The following SIM2 variants were observed in gnomAD, a reference collection of about 807,000 sequenced individuals.
SIM2 encodes the protein SIM bHLH transcription factor 2, also known as single-minded homolog 2.
In SIM2, 28 loss-of-function variants were observed where a neutral mutation model predicts 64.8. The observed-to-expected ratio is 0.43, with a 90% CI of 0.32 to 0.59. SIM2 has a LOEUF of 0.59. SIM2 is among the 20% of genes least tolerant of loss of function. The pLI is 0.07. For missense variants in SIM2, 847 were observed against 871.4 expected (o/e 0.97, Z 0.35); for synonymous variants, 408 against 391.1 (o/e 1.04, Z -0.51).
Position 36,702,939 on chromosome 21 carries a change from G to GAAAAAAA in SIM2, c.175+3020_175+3021insAAAAAAA, listed in dbSNP as rs141068741. On this transcript the variant is annotated intron_variant, in intron 1 of 10. Transcript: ENST00000290399. ...AGAGACCAGCTTAGGACTCTGGGAG[G>GAAAAAAA]AAGAAAAAAAAAAAAAGAATAGCAT... Among the ~76,000 whole-genome samples the GAAAAAAA allele has an allele frequency of 1.2e-3, 154 of 131,108 alleles. 3 individuals carry two copies. Among genetic ancestry groups the GAAAAAAA allele is most frequent in the Middle Eastern group, 4.0e-3 (1 of 250 alleles). The allele number at this position is 131,108 out of a possible 152,430, so 86.0% of individuals were successfully genotyped here.
At chr21:36,735,483 C>T (rs892117703) in intron 7 of SIM2, among the ~76,000 whole-genome samples, 1 of 152,238 alleles carries the variant, frequency 6.6e-6, no homozygotes, top group Admixed American at 6.5e-5. Context: ...CGTCCTTACA[C>T]CCACACCACT....
At chr21:36,737,984 C>CAAAAAAAAAAAAAAAAAAAAAAAAAA (rs71326699) in intron 7 of SIM2, among the ~76,000 whole-genome samples, 1 of 90,260 alleles carries the variant, frequency 1.1e-5, no homozygotes, top group Non-Finnish European at 2.1e-5. Context: ...AAAAAAAAAG[C>CAAAAAAAAAAAAAAAAAAAAAAAAAA]AAAAAAAAAG....
At chr21:36,722,644 A>C (rs1286015659) in intron 4 of SIM2, among the ~76,000 whole-genome samples, 3 of 152,176 alleles carry the variant, frequency 2.0e-5, no homozygotes, top group Non-Finnish European at 4.4e-5. Context: ...CTGGGGCTAG[A>C]AATGAGGGTG....
Position 36,748,097 on chromosome 21 carries a change from C to A in SIM2, c.*5C>A. On this transcript the variant is annotated 3_prime_UTR_variant, in exon 11 of 11. Transcript: ENST00000290399. ...ATCATCACCAACGGGAGGTGACCCG[C>A]TGGCCGCCCGCGCCAGGAGCCTGGA... 4 of 1,200,860 alleles carry A rather than the reference C, an allele frequency of 3.3e-6. No homozygotes were observed. Among genetic ancestry groups the A allele is most frequent in the Non-Finnish European group, 4.1e-6 (4 of 967,820 alleles). The allele number at this position is 1,200,860 out of a possible 1,614,324, so 74.4% of individuals were successfully genotyped here. A position where few individuals can be genotyped will look rare whatever the true frequency, so the allele number is the denominator to read the frequency against.
rs1015238146 is a variant in SIM2 at position 36,719,373 on chromosome 21, C to T, written c.349-448C>T. Among the ~76,000 whole-genome samples the T allele has an allele frequency of 3.3e-5, 5 of 152,264 alleles. No homozygotes were observed. The East Asian group carries it at 9.6e-4, about 29-fold the overall frequency. ...GTCGGCCTCGGAGTGGACAACACTT[C>T]CACAGGGAGCACTATGTGGACAGGA... On this transcript the variant is annotated intron_variant, in intron 3 of 10. Transcript: ENST00000290399.
chr21:36,709,289 A>G (rs745793860), intron 2 of SIM2, 39 bp downstream of exon 2: 14 of 1,503,210 alleles, frequency 9.3e-6, no homozygotes, highest in East Asian at 7.1e-5. Context: ...CAGCCGCCGC[A>G]GGCTCCCTTC....
At position 36,748,860 on chromosome 21, in the gene SIM2, A is replaced by G. The variant is rs1028377512; in HGVS notation, c.*768A>G. 6.6e-6 allele frequency: 1 copy of G among 152,634 alleles called. No homozygotes were observed. The highest frequency in any genetic ancestry group is 6.5e-5 in the Admixed American group (1 of 15,272). 9.5% of individuals were successfully genotyped at this position (152,634 alleles called of 1,614,324 possible). ...AATGCAAAAATATATATGTAGCCAGACAGTTTATGAGAATGACCCTGTCAA... is the reference window on the plus strand; with the variant it reads ...AATGCAAAAATATATATGTAGCCAGGCAGTTTATGAGAATGACCCTGTCAA... On this transcript the variant is annotated 3_prime_UTR_variant, in exon 11 of 11. Transcript: ENST00000290399.
Position 36,745,736 on chromosome 21 carries a change from T to C in SIM2, c.1576+600T>C. 7.8e-7 allele frequency: 1 copy of C among 1,288,146 alleles called. No homozygotes were observed. The highest frequency in any genetic ancestry group is 1.2e-5 in the South Asian group (1 of 80,300). The allele number at this position is 1,288,146 out of a possible 1,614,324, so 79.8% of individuals were successfully genotyped here. ...AAGGACACGACACACAGTAGGGACC[T>C]GCCCTGTACATGCTAGTTCAACAGA... On this transcript the variant is annotated intron_variant, in intron 10 of 10. Coordinates refer to ENST00000290399, the MANE Select transcript of SIM2 (RefSeq NM_005069.6). The surrounding 1 kb of genome is among the most constrained non-coding windows in gnomAD (Gnocchi z 4.8).
chr21:36,736,744 TTTCCTTTCCTCCCTCCC>T (rs1297709871), intron 7 of SIM2, among the ~76,000 whole-genome samples: 180 of 144,962 alleles, frequency 1.2e-3, no homozygotes, highest in African/African-American at 3.8e-3. Flanking sequence ...TTCCCTTCCC[TTTCCTTTCCTCCCTCCC>T]TCCCTTTCTT....
chr21:36,736,396 G>A (rs1002257852), intron 7 of SIM2, among the ~76,000 whole-genome samples: 1 of 152,188 alleles, frequency 6.6e-6, no homozygotes, highest in African/African-American at 2.4e-5. Context: ...AGAGGTGGTG[G>A]TCCGGGAGGG....
intron 7 of SIM2, among the ~76,000 whole-genome samples, chr21:36,734,003 T>G (rs1282650408): frequency 1.3e-5 from 2 of 152,176 alleles, no homozygotes; most frequent in Non-Finnish European, 2.9e-5. Context: ...GGGAGCTGTG[T>G]CCCTCTCGTG....
At chr21:36,732,103 G>C (rs575768408) in intron 7 of SIM2, among the ~76,000 whole-genome samples, 2 of 152,074 alleles carry the variant, frequency 1.3e-5, no homozygotes, top group African/African-American at 2.4e-5. Context: ...GGCTGATCTC[G>C]AACTCCTGAC....
chr21:36,745,507 C>T lies in SIM2; in HGVS notation c.1576+371C>T. 5.2e-6 allele frequency: 6 copies of T among 1,147,348 alleles called. No individual in the cohort carries two copies. Among genetic ancestry groups the T allele is most frequent in the Non-Finnish European group, 6.5e-6 (6 of 921,848 alleles). The allele number at this position is 1,147,348 out of a possible 1,614,324, so 71.1% of individuals were successfully genotyped here. On this transcript the variant is annotated intron_variant, in intron 10 of 10. Coordinates refer to ENST00000290399, the MANE Select transcript of SIM2 (RefSeq NM_005069.6). This position sits in a 1 kb window ranked among gnomAD's most constrained non-coding sequence, Gnocchi z 4.8. ...ATTTCTTTTGCAAGATTCCTTTCCA[C>T]TCCAACCAGAAGTGAATATTTGAGA...
chr21:36,744,905 C>G lies in SIM2; in HGVS notation c.1345C>G (p.Leu449Val), dbSNP rs1269598342. ...PFSYHYGHFP[L>V]DSHVFSSKKP... The stretch of plus-strand genomic sequence containing the variant: ...CTCCTACCATTACGGACACTTCCCT[C>G]TGGACTCTCACGTCTTCAGCAGCAA... The change falls in exon 10 of 11, where the codon CTG (leucine) becomes GTG (valine). Residue 449 changes from leucine to valine, a missense_variant. Physicochemically the swap from Leu to Val is conservative, Grantham distance 32. Coordinates refer to ENST00000290399, the MANE Select transcript of SIM2 (RefSeq NM_005069.6). 6.2e-7 allele frequency: 1 copy of G among 1,614,132 alleles called. No individual in the cohort carries two copies. Among genetic ancestry groups the G allele is most frequent in the Non-Finnish European group, 8.5e-7 (1 of 1,180,054 alleles).
At chr21:36,736,711 A>ACTTCCTTCC (rs1190611103) in intron 7 of SIM2, among the ~76,000 whole-genome samples, 1 of 141,556 alleles carries the variant, frequency 7.1e-6, no homozygotes, top group Non-Finnish European at 1.5e-5. Context: ...CCCAGAACTA[A>ACTTCCTTCC]CTTCCTTCCC....
At chr21:36,715,458 T>C (rs569453046) in intron 3 of SIM2, among the ~76,000 whole-genome samples, 2 of 152,194 alleles carry the variant, frequency 1.3e-5, no homozygotes, top group Non-Finnish European at 2.9e-5. Context: ...TTTTAAGTCA[T>C]GAGAGATAAA....
At chr21:36,707,381 GC>G (rs1568924651) in intron 1 of SIM2, among the ~76,000 whole-genome samples, 1 of 152,122 alleles carries the variant, frequency 6.6e-6, no homozygotes, top group Admixed American at 6.5e-5. Context: ...CGGTGGTGAT[GC>G]GGGGTGAGCG....
At chr21:36,713,713 T>C (rs1322982189) in intron 3 of SIM2, among the ~76,000 whole-genome samples, 1 of 152,260 alleles carries the variant, frequency 6.6e-6, no homozygotes, top group Non-Finnish European at 1.5e-5. Context: ...CTGCATCTGG[T>C]GTATTCCTTT....
chr21:36,741,327 C>T (rs1261090506), intron 7 of SIM2, among the ~76,000 whole-genome samples: 1 of 152,084 alleles, frequency 6.6e-6, no homozygotes, highest in African/African-American at 2.4e-5. Context: ...ACATCACTCA[C>T]CCCCCCTCCC....
Sources: gnomAD v4.1 joint callset for allele counts (sites outside exome capture counted in the v4.1 genomes callset) on GRCh38, gnomAD v4.1.1 for gene constraint, Gnocchi (gnomAD v3.1) non-coding constraint, MANE v1.5 for transcripts, NCBI Gene and HGNC (gene_info 2026-07-23, HGNC 2026-07-21) for gene names.